WDFY3: variants seen among roughly 807,000 people sequenced by gnomAD.
The protein encoded by WDFY3 is WD repeat and FYVE domain containing 3.
A neutral mutation model predicts 409.6 loss-of-function variants in WDFY3; 66 were observed. That is an observed-to-expected ratio of 0.16 (90% CI 0.13 to 0.20). WDFY3 has a LOEUF of 0.20. Among genes scored for constraint, WDFY3 ranks in the 10% least tolerant of loss-of-function variants. The probability of loss-of-function intolerance (pLI) is 1.00; values close to 1 mark genes in which losing one functional copy is unlikely to be tolerated. For missense variants in WDFY3, 3,031 were observed against 4,298.1 expected (o/e 0.71, Z 8.24); for synonymous variants, 1,521 against 1,537.1 (o/e 0.99, Z 0.25).
intron 24 of WDFY3, among the ~76,000 whole-genome samples, chr4:84,784,885 TATATATACACACACACACACAC>T (rs1747239626): frequency 1.0e-5 from 1 of 96,074 alleles, no homozygotes; most frequent in African/African-American, 4.2e-5. Flanking sequence ...TATATATATA[TATATATACACACACACACACAC>T]ACACACACAC....
At chr4:84,710,882 A>G (rs1285964970) in intron 51 of WDFY3, among the ~76,000 whole-genome samples, 1 of 152,224 alleles carries the variant, frequency 6.6e-6, no homozygotes, top group Non-Finnish European at 1.5e-5. Flanking sequence ...TTATGTTAAC[A>G]ACAACACATA....
chr4:84,678,410 C>T (rs770099979), intron 65 of WDFY3, 131 bp from the exon 66 acceptor site: 19 of 617,296 alleles, frequency 3.1e-5, no homozygotes, highest in South Asian at 6.2e-5. Context: ...TTCCAGTTCT[C>T]GGCAGCTGCT....
At chr4:84,813,184 A>G (rs968609567) in intron 13 of WDFY3, among the ~76,000 whole-genome samples, 2 of 152,132 alleles carry the variant, frequency 1.3e-5, no homozygotes, top group Non-Finnish European at 2.9e-5. Context: ...GGAGGCACTA[A>G]GAAGCAATTC....
chr4:84,853,634 G>C (rs1047061122), intron 4 of WDFY3, among the ~76,000 whole-genome samples: 2 of 152,170 alleles, frequency 1.3e-5, no homozygotes, highest in Admixed American at 6.5e-5. Flanking sequence ...CAGTTGTTAA[G>C]GATATAATTA....
intron 3 of WDFY3, among the ~76,000 whole-genome samples, chr4:84,864,800 T>G (rs977583518): frequency 6.6e-6 from 1 of 152,202 alleles, no homozygotes; most frequent in East Asian, 1.9e-4. Context: ...TTGGAAACTG[T>G]GACTCTAGTT....
In WDFY3 at chr4:84,850,926, CTGTTTT is replaced by C. The variant is rs1758850892; in HGVS notation, c.181-907_181-902del. Among the ~76,000 whole-genome samples the C allele has an allele frequency of 1.1e-3, 34 of 32,156 alleles. 1 individual carries two copies. Among genetic ancestry groups the C allele is most frequent in the Admixed American group, 3.0e-3 (8 of 2,696 alleles). The allele number at this position is 32,156 out of a possible 152,430, so 21.1% of individuals were successfully genotyped here. A position where few individuals can be genotyped will look rare whatever the true frequency, so the allele number is the denominator to read the frequency against. On this transcript the variant is annotated intron_variant, in intron 4 of 67. Transcript: ENST00000295888. ...AATTCTTATTTTTAATTTTATTTATCTGTTTTTTTTTTTTTTTTTTTTTTTTTTTTT... is the reference window on the plus strand; with the variant it reads ...AATTCTTATTTTTAATTTTATTTATCTTTTTTTTTTTTTTTTTTTTTTTTT...
chr4:84,836,898 G>A lies in WDFY3; in HGVS notation c.576+31C>T, dbSNP rs765257813. The A allele has an allele frequency of 7.6e-6, 11 of 1,453,214 alleles. No individual in the cohort carries two copies. In the Admixed American group the frequency reaches 2.4e-4, roughly 32 times the overall value. 90.0% of individuals were successfully genotyped at this position (1,453,214 alleles called of 1,614,324 possible). A position where few individuals can be genotyped will look rare whatever the true frequency, so the allele number is the denominator to read the frequency against. Reference sequence around the variant, plus strand: ...AGTATACCCACTTCCCTTTAAATAGGGTGGAGGTAGGCAAATAGCACCTTT... The same window carrying A: ...AGTATACCCACTTCCCTTTAAATAGAGTGGAGGTAGGCAAATAGCACCTTT... On this transcript the variant is annotated intron_variant, in intron 7 of 67. Coordinates refer to ENST00000295888, the MANE Select transcript of WDFY3 (RefSeq NM_014991.6).
intron 61 of WDFY3, among the ~76,000 whole-genome samples, chr4:84,688,531 C>T (rs1728706138): frequency 6.6e-6 from 1 of 152,054 alleles, no homozygotes; most frequent in Non-Finnish European, 1.5e-5. Flanking sequence ...TGGAGTTGGG[C>T]CAGGATCTTA....
At chr4:84,869,069 G>A (rs777882061) in intron 3 of WDFY3, among the ~76,000 whole-genome samples, 1 of 152,300 alleles carries the variant, frequency 6.6e-6, no homozygotes, top group Middle Eastern at 3.4e-3. Flanking sequence ...AGGTCATTTA[G>A]CTTGGTAATC....
At chr4:84,878,006 T>C (rs1185510243) in intron 3 of WDFY3, among the ~76,000 whole-genome samples, 1 of 152,228 alleles carries the variant, frequency 6.6e-6, no homozygotes, top group Non-Finnish European at 1.5e-5. Context: ...TTGTTTTTTA[T>C]GGTTTGTTTA....
intron 3 of WDFY3, among the ~76,000 whole-genome samples, chr4:84,881,521 T>C (rs1055884318): frequency 6.6e-6 from 1 of 151,952 alleles, no homozygotes; most frequent in Non-Finnish European, 1.5e-5. Flanking sequence ...TGAATTCAAA[T>C]GTCTTTGTTT....
At chr4:84,780,718 C>T (rs1331540436) in intron 25 of WDFY3, among the ~76,000 whole-genome samples, 5 of 151,862 alleles carry the variant, frequency 3.3e-5, no homozygotes, top group African/African-American at 1.2e-4. Context: ...GAGCCGAGAT[C>T]GCGCCACCGC....
rs1749730831 is a variant in WDFY3 at position 84,797,728 on chromosome 4, C to A, written c.2935+268G>T. Among the ~76,000 whole-genome samples, 8 of 152,050 alleles carry A rather than the reference C, an allele frequency of 5.3e-5. No individual in the cohort carries two copies. In the South Asian group the frequency reaches 1.7e-3, roughly 32 times the overall value. On this transcript the variant is annotated intron_variant, in intron 18 of 67. Transcript: ENST00000295888. Reference sequence around the variant, plus strand: ...CCCGAGTAGCTGGGACTACAGGCGCCTGCCACTGCGCCCGGCTAATTTTTT... The same window carrying A: ...CCCGAGTAGCTGGGACTACAGGCGCATGCCACTGCGCCCGGCTAATTTTTT...
intron 25 of WDFY3, among the ~76,000 whole-genome samples, chr4:84,782,474 C>T (rs1746702922): frequency 6.6e-6 from 1 of 151,996 alleles, no homozygotes; most frequent in African/African-American, 2.4e-5. Context: ...CACCTATAAA[C>T]CTGTCACCTA....
chr4:84,752,201 G>A (rs1329415087), intron 35 of WDFY3, among the ~76,000 whole-genome samples: 1 of 151,882 alleles, frequency 6.6e-6, no homozygotes, highest in Non-Finnish European at 1.5e-5. Flanking sequence ...GTGACAGAGC[G>A]AGACTAGCAA....
chr4:84,737,257 C>G lies in WDFY3; in HGVS notation c.6684G>C (p.Arg2228Ser). ...TTGCTGTAGCTATGTCCACGTGGCC[C>G]CTTTCATTCACAGGTAGAGTTACTT... is the stretch of plus-strand genomic sequence containing the variant. Reference protein sequence around the residue: ...LFKVTLPVNERGHVDIATARP... With the variant: ...LFKVTLPVNESGHVDIATARP... The change falls in exon 41 of 68, where the codon AGG (arginine) becomes AGC (serine). Residue 2228 changes from arginine to serine, a missense_variant. Physicochemically the swap from Arg to Ser is moderately radical, Grantham distance 110. This residue lies in a region of WDFY3 where 314 missense variants were observed against 397.4 expected (regional missense o/e 0.79). Coordinates refer to ENST00000295888, the MANE Select transcript of WDFY3 (RefSeq NM_014991.6). 1 of 1,614,032 alleles carries G rather than the reference C, an allele frequency of 6.2e-7. No homozygotes were observed. Among genetic ancestry groups the G allele is most frequent in the Non-Finnish European group, 8.5e-7 (1 of 1,180,010 alleles).
At chr4:84,824,855 T>C (rs1233886080) in intron 10 of WDFY3, among the ~76,000 whole-genome samples, 4 of 152,166 alleles carry the variant, frequency 2.6e-5, no homozygotes, top group Non-Finnish European at 5.9e-5. Flanking sequence ...AAGTAGGCCA[T>C]GAGAAACAGA....
At chr4:84,859,837 A>G (rs989247170) in intron 4 of WDFY3, among the ~76,000 whole-genome samples, 3 of 152,216 alleles carry the variant, frequency 2.0e-5, no homozygotes, top group Admixed American at 2.0e-4. Context: ...GGCTTCCTAA[A>G]GTGCTGGGAT....
At chr4:84,780,916 C>T (rs2149482507) in intron 25 of WDFY3, among the ~76,000 whole-genome samples, 2 of 152,174 alleles carry the variant, frequency 1.3e-5, no homozygotes, top group East Asian at 3.9e-4. Flanking sequence ...TACTGTGTAG[C>T]TCTGGGCTGT....
Sources: allele counts gnomAD v4.1 joint callset (sites outside exome capture counted in the v4.1 genomes callset), GRCh38; gene constraint gnomAD v4.1.1; regional missense constraint gnomAD v4.1.1; transcripts MANE v1.5; gene names NCBI Gene and HGNC (gene_info 2026-07-23, HGNC 2026-07-21).